ALCAM: variants seen among roughly 807,000 people sequenced by gnomAD.
ALCAM encodes the protein CD166 antigen.
A neutral mutation model predicts 70.9 loss-of-function variants in ALCAM; 30 were observed. That is an observed-to-expected ratio of 0.42 (90% CI 0.32 to 0.57). The LOEUF (loss-of-function observed/expected upper bound fraction) is 0.57. Among genes scored for constraint, ALCAM ranks in the 20% least tolerant of loss-of-function variants. The pLI, the probability that ALCAM is intolerant of heterozygous loss-of-function variation, is 0.11. For missense variants in ALCAM, 591 were observed against 695.1 expected, an observed-to-expected ratio of 0.85 and a Z score of 1.68; for synonymous variants, 249 against 242.5, an observed-to-expected ratio of 1.03 and a Z score of -0.25.
chr3:105,489,255 G>A (rs950949863), intron 1 of ALCAM, among the ~76,000 whole-genome samples: 2 of 152,166 alleles, frequency 1.3e-5, no homozygotes, highest in Non-Finnish European at 2.9e-5. Flanking sequence ...TTCGGATTCA[G>A]TAGGTCTTAG....
At chr3:105,504,650 C>T (rs1417200081) in intron 1 of ALCAM, among the ~76,000 whole-genome samples, 1 of 152,196 alleles carries the variant, frequency 6.6e-6, no homozygotes, top group Admixed American at 6.5e-5. Context: ...CCCACCTTCC[C>T]CCCGCCGATG....
chr3:105,373,526 A>AG (rs1256759466), intron 1 of ALCAM, among the ~76,000 whole-genome samples: 1 of 152,146 alleles, frequency 6.6e-6, no homozygotes, highest in Non-Finnish European at 1.5e-5. Flanking sequence ...CTGTGAATGA[A>AG]GAAAAAAAAA....
At chr3:105,533,784 C>CT (rs1296611594) in intron 5 of ALCAM, 94 bp downstream of exon 5, 2 of 1,170,106 alleles carry the variant, frequency 1.7e-6, no homozygotes, top group African/African-American at 1.5e-5. Context: ...GGTCTCCAAC[C>CT]TTTTTGGCAC....
At chr3:105,408,210 A>C (rs1303200326) in intron 1 of ALCAM, among the ~76,000 whole-genome samples, 1 of 151,980 alleles carries the variant, frequency 6.6e-6, no homozygotes, top group Middle Eastern at 3.2e-3. Context: ...AGAAAAAAAA[A>C]ACTTAAAAGT....
chr3:105,419,960 T>C (rs960830805), intron 1 of ALCAM, among the ~76,000 whole-genome samples: 27 of 151,890 alleles, frequency 1.8e-4, no homozygotes, highest in Admixed American at 3.3e-4. Context: ...GCTTCACGGT[T>C]CTATCTGGAT....
At chr3:105,473,537 C>T (rs1344987175) in intron 1 of ALCAM, among the ~76,000 whole-genome samples, 1 of 151,568 alleles carries the variant, frequency 6.6e-6, no homozygotes, top group Non-Finnish European at 1.5e-5. Flanking sequence ...TCTGCATACC[C>T]TAGGCTTAAA....
chr3:105,413,939 A>G (rs1936448482), intron 1 of ALCAM, among the ~76,000 whole-genome samples: 1 of 152,156 alleles, frequency 6.6e-6, no homozygotes, highest in Non-Finnish European at 1.5e-5. Context: ...AGTTCCATTT[A>G]GCAAATTTAA....
chr3:105,531,930 G>T (rs564119436), intron 3 of ALCAM, 72 bp from the exon 4 acceptor site: 5 of 1,154,988 alleles, frequency 4.3e-6, no homozygotes, highest in African/African-American at 3.0e-5. Context: ...AATTGTTTTT[G>T]CTGTGAATCA....
At chr3:105,424,849 G>A (rs1389693316) in intron 1 of ALCAM, among the ~76,000 whole-genome samples, 3 of 151,724 alleles carry the variant, frequency 2.0e-5, no homozygotes, top group Non-Finnish European at 2.9e-5. Context: ...AGGTGAATAA[G>A]GGGAAAGAGT....
rs1269360772 is a variant in ALCAM, at chr3:105,576,058, A to G, written c.*1607A>G. On this transcript the variant is annotated 3_prime_UTR_variant, in exon 16 of 16. Coordinates refer to ENST00000306107, the MANE Select transcript of ALCAM (RefSeq NM_001627.4). ...GACTCCGTTTAATAAAAGCTTCCGT[A>G]GTGCATTGGTATGGATTAAATGCAT... 3 of 152,324 alleles carry G rather than the reference A, an allele frequency of 2.0e-5. No individual in the cohort carries two copies. Among genetic ancestry groups the G allele is most frequent in the Admixed American group, 6.5e-5 (1 of 15,274 alleles). The allele number at this position is 152,324 out of a possible 1,614,324, so 9.4% of individuals were successfully genotyped here. A position where few individuals can be genotyped will look rare whatever the true frequency, so the allele number is the denominator to read the frequency against.
At chr3:105,463,495 T>C (rs971304338) in intron 1 of ALCAM, among the ~76,000 whole-genome samples, 1 of 151,518 alleles carries the variant, frequency 6.6e-6, no homozygotes, top group African/African-American at 2.4e-5. Context: ...TTTAACATAC[T>C]TTCTTAAGGC....
At chr3:105,494,203 C>T (rs1938672649) in intron 1 of ALCAM, among the ~76,000 whole-genome samples, 2 of 152,086 alleles carry the variant, frequency 1.3e-5, no homozygotes, top group African/African-American at 4.8e-5. Flanking sequence ...CTATTATATA[C>T]TTTGTGTAAA....
intron 2 of ALCAM, among the ~76,000 whole-genome samples, chr3:105,522,520 T>C (rs1939569640): frequency 6.6e-6 from 1 of 152,184 alleles, no homozygotes; most frequent in African/African-American, 2.4e-5. Flanking sequence ...GCCTGATTTC[T>C]CCTGGATCAT....
chr3:105,416,568 C>T (rs115899247), intron 1 of ALCAM, among the ~76,000 whole-genome samples: 2,336 of 151,852 alleles, frequency 0.015, 26 homozygotes, highest in Middle Eastern at 0.048. Context: ...TAATAGTAAC[C>T]GTTATTATGC....
At chr3:105,520,599 T>C (rs1043834966) in intron 2 of ALCAM, among the ~76,000 whole-genome samples, 2 of 152,204 alleles carry the variant, frequency 1.3e-5, no homozygotes, top group African/African-American at 4.8e-5. Context: ...TCATCAGTAT[T>C]ACAAGCTTGA....
chr3:105,461,751 T>C (rs1937607841), intron 1 of ALCAM, among the ~76,000 whole-genome samples: 1 of 151,778 alleles, frequency 6.6e-6, no homozygotes, highest in African/African-American at 2.4e-5. Flanking sequence ...TTATCTTCCA[T>C]GTTCTACCAC....
At chr3:105,394,285 A>G (rs892884733) in intron 1 of ALCAM, among the ~76,000 whole-genome samples, 1 of 151,976 alleles carries the variant, frequency 6.6e-6, no homozygotes, top group African/African-American at 2.4e-5. Flanking sequence ...CTACCTATGT[A>G]TGTCTGTGTC....
chr3:105,507,126 G>A (rs940179311), intron 1 of ALCAM, among the ~76,000 whole-genome samples: 4 of 152,082 alleles, frequency 2.6e-5, no homozygotes, highest in African/African-American at 4.8e-5. Flanking sequence ...CTTAGTTTAT[G>A]GAAAAATTTG....
intron 1 of ALCAM, among the ~76,000 whole-genome samples, chr3:105,388,888 A>G (rs1184872962): frequency 6.6e-6 from 1 of 151,614 alleles, no homozygotes; most frequent in Non-Finnish European, 1.5e-5. Context: ...TTGAATGAGT[A>G]TGTTAAGGCT....
Sources: gnomAD v4.1 joint callset for allele counts (sites outside exome capture counted in the v4.1 genomes callset) on GRCh38, gnomAD v4.1.1 for gene constraint, MANE v1.5 for transcripts, NCBI Gene and HGNC (gene_info 2026-07-23, HGNC 2026-07-21) for gene names.